Variants in PPP1R16A observed in about 807,000 individuals in gnomAD.
The protein encoded by PPP1R16A is myosin phosphatase-targeting subunit 3.
A neutral mutation model predicts 46.6 loss-of-function variants in PPP1R16A; 39 were observed. The ratio of observed to expected loss-of-function variants is 0.84; its 90% CI spans 0.65 to 1.09. The LOEUF (loss-of-function observed/expected upper bound fraction) is 1.09, where lower values mean the gene tolerates loss of function less well. Ranked by LOEUF, PPP1R16A falls within the 50% of genes least tolerant of loss-of-function variation. The pLI is 0.00. For missense variants in PPP1R16A, 798 were observed against 735.6 expected (o/e 1.08, Z -0.98); for synonymous variants, 413 against 321.5 (o/e 1.28, Z -3.04).
chr8:144,494,307 T>C (rs1360949009), intron 2 of PPP1R16A, among the ~76,000 whole-genome samples: 1 of 150,702 alleles, frequency 6.6e-6, no homozygotes, highest in African/African-American at 2.4e-5. Context: ...GGACAGTAGG[T>C]GGTGTCTGTT....
intron 1 of PPP1R16A, among the ~76,000 whole-genome samples, chr8:144,480,386 C>G (rs1825360141): frequency 6.6e-6 from 1 of 152,248 alleles, no homozygotes; most frequent in Non-Finnish European, 1.5e-5. Context: ...ACAATCTCCA[C>G]TCACTGCAAC....
intron 5 of PPP1R16A, chr8:144,499,847 G>A (rs1826318809): frequency 5.9e-6 from 3 of 504,648 alleles, no homozygotes; most frequent in Non-Finnish European, 1.1e-5. Context: ...TGGGGGCACC[G>A]CTGCCCCTGG....
rs938753270 is a variant in PPP1R16A, at chr8:144,500,492, C to T, written c.711C>T (p.His237=). 12 of 1,581,726 alleles carry T rather than the reference C, an allele frequency of 7.6e-6. No homozygotes were observed. The highest frequency in any genetic ancestry group is 1.0e-5 in the Non-Finnish European group (12 of 1,172,542). ...GGCCGGGCGCTTGCCTGCAGCTGCA[C>T]GTCGCAGCCGCCAACGGGTTCAGCG... ...APLDHGATLL[H]VAAANGFSEA... Residue 237 remains histidine (H), a synonymous_variant, in exon 8 of 12, where the codon CAC becomes CAT. Transcript: ENST00000435887.
chr8:144,494,885 T>G (rs1019043366), intron 2 of PPP1R16A, among the ~76,000 whole-genome samples: 4 of 152,312 alleles, frequency 2.6e-5, no homozygotes, highest in African/African-American at 9.6e-5. Flanking sequence ...GATGCGGACC[T>G]GGCAGCATGC....
At chr8:144,483,556 C>T (rs1357083860) in intron 1 of PPP1R16A, among the ~76,000 whole-genome samples, 2 of 152,128 alleles carry the variant, frequency 1.3e-5, no homozygotes, top group Non-Finnish European at 2.9e-5. Flanking sequence ...ACTACAGGTG[C>T]ATGCCGCCAC....
chr8:144,486,686 C>T (rs1825638878), intron 1 of PPP1R16A, among the ~76,000 whole-genome samples: 1 of 152,178 alleles, frequency 6.6e-6, no homozygotes, highest in South Asian at 2.1e-4. Context: ...ATCCTCTGCC[C>T]ATTTTCTAAT....
intron 2 of PPP1R16A, among the ~76,000 whole-genome samples, chr8:144,491,580 G>A (rs934655924): frequency 3.3e-5 from 5 of 152,070 alleles, no homozygotes; most frequent in Non-Finnish European, 5.9e-5. Context: ...TGGCTAACAC[G>A]GTGAAACCCC....
At chr8:144,498,720 G>A (rs773425515) in intron 3 of PPP1R16A, 50 bp from the exon 4 acceptor site, 23 of 1,521,056 alleles carry the variant, frequency 1.5e-5, no homozygotes, top group Non-Finnish European at 2.0e-5. Flanking sequence ...ACAGTTGACA[G>A]GACCTGACCA....
At chr8:144,482,637 G>A (rs1825477284) in intron 1 of PPP1R16A, among the ~76,000 whole-genome samples, 1 of 148,468 alleles carries the variant, frequency 6.7e-6, no homozygotes, top group Non-Finnish European at 1.5e-5. Flanking sequence ...ACAGGCACAT[G>A]CCAGCATGCC....
At chr8:144,501,028 C>T (rs1039080941) in intron 10 of PPP1R16A, 57 bp downstream of exon 10, 28 of 1,501,088 alleles carry the variant, frequency 1.9e-5, no homozygotes, top group Middle Eastern at 1.9e-4. Flanking sequence ...ACGTCAGCCC[C>T]GGGCGGAGTG....
At chr8:144,495,161 CA>C (rs972551553) in intron 2 of PPP1R16A, among the ~76,000 whole-genome samples, 5 of 152,186 alleles carry the variant, frequency 3.3e-5, no homozygotes, top group South Asian at 2.1e-4. Flanking sequence ...GCTAGGCCTA[CA>C]GGGGGGGACT....
intron 1 of PPP1R16A, among the ~76,000 whole-genome samples, chr8:144,482,713 A>G (rs1435341554): frequency 1.4e-5 from 2 of 140,168 alleles, no homozygotes; most frequent in South Asian, 2.3e-4. Context: ...GAGTGCAGTG[A>G]TCTAGGCTCA....
chr8:144,491,253 C>T (rs1825802057), intron 2 of PPP1R16A, among the ~76,000 whole-genome samples: 1 of 152,120 alleles, frequency 6.6e-6, no homozygotes, highest in Non-Finnish European at 1.5e-5. Context: ...GATATTTTTC[C>T]CAGAATGATG....
chr8:144,501,566 G>C lies in PPP1R16A; in HGVS notation c.1250G>C (p.Gly417Ala). 1 of 1,592,174 alleles carries C rather than the reference G, an allele frequency of 6.3e-7. No homozygotes were observed. Among genetic ancestry groups the C allele is most frequent in the South Asian group, 1.1e-5 (1 of 88,004 alleles). Residue 417 changes from glycine to alanine, a missense_variant, in exon 12 of 12, where the codon GGC becomes GCC. Gly to Ala is a moderately conservative substitution (Grantham distance 60, BLOSUM62 0). Coordinates refer to ENST00000435887, the MANE Select transcript of PPP1R16A (RefSeq NM_001329443.2). The part of the protein sequence containing the change: ...VVRPHNGRVG[G>A]SPVRHLYSKR... ...AGGCCGCACAATGGCCGAGTAGGGG[G>C]CTCCCCAGTGCGGCATCTATACTCC...
At chr8:144,485,547 A>G (rs1401788984) in intron 1 of PPP1R16A, among the ~76,000 whole-genome samples, 2 of 152,154 alleles carry the variant, frequency 1.3e-5, no homozygotes, top group South Asian at 2.1e-4. Flanking sequence ...ACAATAGATA[A>G]AGAAAAATAA....
Position 144,500,911 on chromosome 8 carries a change from G to C in PPP1R16A, c.977G>C (p.Arg326Pro), listed in dbSNP as rs532313058. 6.5e-7 allele frequency: 1 copy of C among 1,533,878 alleles called. No homozygotes were observed. The change falls in exon 10 of 12, where the codon CGC becomes CCC. Residue 326 changes from arginine (R) to proline (P), a missense_variant. Coordinates refer to ENST00000435887, the MANE Select transcript of PPP1R16A (RefSeq NM_001329443.2). ...AAGCACAAGCACGACGCCCTCCTGC[G>C]CGCCCAGAGCCGCCAGCGCTCCTTG... is the stretch of plus-strand genomic sequence containing the variant. The part of the protein sequence containing the change: ...ELKHKHDALL[R>P]AQSRQRSLLR...
intron 1 of PPP1R16A, among the ~76,000 whole-genome samples, chr8:144,479,504 T>C (rs2620664): frequency 0.99 from 150,284 of 152,262 alleles, 74,284 homozygotes; most frequent in Middle Eastern, 1. Context: ...ACTTGGACTC[T>C]GCTTTGCCCC....
chr8:144,501,988 C>A lies in PPP1R16A; in HGVS notation c.*85C>A, dbSNP rs1438734330. ...GGTGCGTGCCCTGGTGCTGCGGGTG[C>A]AGCACGGAAACCCCGGCTTCTACTG... On this transcript the variant is annotated 3_prime_UTR_variant, in exon 12 of 12. Coordinates refer to ENST00000435887, the MANE Select transcript of PPP1R16A (RefSeq NM_001329443.2). 7.3e-7 allele frequency: 1 copy of A among 1,373,462 alleles called. No homozygotes were observed. Among genetic ancestry groups the A allele is most frequent in the East Asian group, 2.5e-5 (1 of 39,732 alleles). 85.1% of individuals were successfully genotyped at this position (1,373,462 alleles called of 1,614,324 possible).
In PPP1R16A at chr8:144,501,999, C is replaced by G. The variant is rs1004422830; in HGVS notation, c.*96C>G. 7.7e-7 allele frequency: 1 copy of G among 1,294,594 alleles called. No individual in the cohort carries two copies. The highest frequency in any genetic ancestry group is 1.5e-5 in the African/African-American group (1 of 66,972). The allele number at this position is 1,294,594 out of a possible 1,614,324, so 80.2% of individuals were successfully genotyped here. ...TGGTGCTGCGGGTGCAGCACGGAAA[C>G]CCCGGCTTCTACTGTACAGGACACT... On this transcript the variant is annotated 3_prime_UTR_variant, in exon 12 of 12. Transcript: ENST00000435887.
Sources: gnomAD v4.1 joint callset for allele counts (sites outside exome capture counted in the v4.1 genomes callset) on GRCh38, gnomAD v4.1.1 for gene constraint, MANE v1.5 for transcripts, NCBI Gene and HGNC (gene_info 2026-07-23, HGNC 2026-07-21) for gene names.